The following WWOX variants were observed in gnomAD, a reference collection of about 807,000 sequenced individuals.
The protein encoded by WWOX is WW domain containing oxidoreductase, also known as WW domain-containing oxidoreductase.
In WWOX, 69 loss-of-function variants were observed where a neutral mutation model predicts 46.2. The ratio of observed to expected loss-of-function variants is 1.49; its 90% CI spans 1.23 to 1.82. WWOX has a LOEUF of 1.82. WWOX is among the 40% of genes most tolerant of loss of function. The pLI is 0.00. For synonymous variants in WWOX, 359 were observed against 202.6 expected (o/e 1.77, Z -6.56); for missense variants, 919 against 542.6 (o/e 1.69, Z -6.89).
At chr16:78,553,725 C>T (rs2044226058) in intron 8 of WWOX, among the ~76,000 whole-genome samples, 2 of 152,086 alleles carry the variant, frequency 1.3e-5, no homozygotes, top group Admixed American at 1.3e-4. Context: ...AGGGAGGAGG[C>T]CTGGGAGAGA....
intron 8 of WWOX, among the ~76,000 whole-genome samples, chr16:78,902,541 C>G (rs561995761): frequency 6.6e-6 from 1 of 152,228 alleles, no homozygotes; most frequent in Non-Finnish European, 1.5e-5. Flanking sequence ...TCCCCCGTGA[C>G]TGCTGCGGGG....
intron 8 of WWOX, among the ~76,000 whole-genome samples, chr16:79,036,131 A>G (rs540308841): frequency 4.6e-5 from 7 of 152,146 alleles, no homozygotes; most frequent in South Asian, 2.1e-4. Context: ...TTCACTCTCT[A>G]TGAAATACCT....
At chr16:78,557,088 A>G (rs774083106) in intron 8 of WWOX, among the ~76,000 whole-genome samples, 2 of 152,158 alleles carry the variant, frequency 1.3e-5, no homozygotes, top group Admixed American at 1.3e-4. Context: ...AGAAGCAGAG[A>G]TGAAAATGTG....
intron 8 of WWOX, among the ~76,000 whole-genome samples, chr16:78,613,163 C>G (rs1597348159): frequency 6.6e-6 from 1 of 152,152 alleles, no homozygotes; most frequent in Non-Finnish European, 1.5e-5. Flanking sequence ...GGACTCCCCT[C>G]CATGCCTTTT....
At chr16:78,775,781 A>T (rs1293134162) in intron 8 of WWOX, among the ~76,000 whole-genome samples, 1 of 152,222 alleles carries the variant, frequency 6.6e-6, no homozygotes, top group Non-Finnish European at 1.5e-5. Flanking sequence ...TCCTTTAGCC[A>T]ATGGAGCAGT....
At chr16:78,962,319 TTTTTTTTAAAA>T (rs1278247195) in intron 8 of WWOX, among the ~76,000 whole-genome samples, 1 of 98,888 alleles carries the variant, frequency 1.0e-5, no homozygotes, top group African/African-American at 3.7e-5. Flanking sequence ...TTTTTTTTTT[TTTTTTTTAAAA>T]AAAAAAAAAA....
rs57751802 is a variant in WWOX, at chr16:78,156,538, A to G, written c.410-7645A>G. ...TGCAAGAACCATTTGTTTCTTCAGC[A>G]GATATTTATTGAATCCTACTGGGTG... On this transcript the variant is annotated intron_variant, in intron 4 of 8. Transcript: ENST00000566780. 2.5e-4 allele frequency among the ~76,000 whole-genome samples: 38 copies of G among 152,346 alleles called. No homozygotes were observed. In the East Asian group the frequency reaches 7.3e-3, roughly 29 times the overall value.
intron 8 of WWOX, among the ~76,000 whole-genome samples, chr16:78,748,381 T>C (rs2049399314): frequency 6.6e-6 from 1 of 152,260 alleles, no homozygotes; most frequent in African/African-American, 2.4e-5. Context: ...CTTTCACTCA[T>C]TTCTATCTGC....
At chr16:78,932,843 T>C (rs2045653731) in intron 8 of WWOX, among the ~76,000 whole-genome samples, 1 of 152,140 alleles carries the variant, frequency 6.6e-6, no homozygotes, top group African/African-American at 2.4e-5. Context: ...AAGGAGGCAT[T>C]TGGAGGTCAT....
chr16:79,211,774 G>T lies in WWOX; in HGVS notation c.1223G>T (p.Arg408Leu), dbSNP rs765857107. The part of the protein sequence containing the change: ...WALSERLIQE[R>L]LGSQSG ...CTCAGCGAGAGGCTGATCCAAGAAC[G>T]GCTTGGCAGCCAGTCCGGCTAAGTG... The change falls in exon 9 of 9, where the codon CGG becomes CTG. Residue 408 changes from arginine (R) to leucine (L), a missense_variant. Arg to Leu is a moderately radical substitution (Grantham distance 102, BLOSUM62 -2). Coordinates refer to ENST00000566780, the MANE Select transcript of WWOX (RefSeq NM_016373.4). 56 of 1,613,952 alleles carry T rather than the reference G, an allele frequency of 3.5e-5. 1 individual carries two copies. Among genetic ancestry groups the T allele is most frequent in the Non-Finnish European group, 4.7e-5 (55 of 1,179,978 alleles).
chr16:79,002,382 C>T (rs558188646), intron 8 of WWOX, among the ~76,000 whole-genome samples: 3 of 152,036 alleles, frequency 2.0e-5, no homozygotes, highest in East Asian at 1.9e-4. Flanking sequence ...CACCACCATG[C>T]CCGGCTAGTT....
chr16:78,502,478 G>A (rs911218158), intron 8 of WWOX, among the ~76,000 whole-genome samples: 2 of 152,158 alleles, frequency 1.3e-5, no homozygotes, highest in African/African-American at 4.8e-5. Flanking sequence ...TTAGCATCAT[G>A]TTTTGAAAGT....
At chr16:78,513,327 T>C (rs552859340) in intron 8 of WWOX, among the ~76,000 whole-genome samples, 329 of 152,326 alleles carry the variant, frequency 2.2e-3, no homozygotes, top group Non-Finnish European at 3.6e-3. Flanking sequence ...AGAGAGGGTA[T>C]GGGCAACATT....
intron 8 of WWOX, among the ~76,000 whole-genome samples, chr16:79,065,938 C>G (rs1027409530): frequency 3.9e-5 from 6 of 152,160 alleles, no homozygotes; most frequent in African/African-American, 1.4e-4. Flanking sequence ...TCTTGAATAC[C>G]TTAGAAAGTT....
At chr16:78,579,162 A>T (rs1053362704) in intron 8 of WWOX, among the ~76,000 whole-genome samples, 3 of 152,148 alleles carry the variant, frequency 2.0e-5, no homozygotes, top group Non-Finnish European at 2.9e-5. Flanking sequence ...TTAATGATTC[A>T]GCAATAATTA....
chr16:78,216,292 C>T (rs1265999429), intron 5 of WWOX, among the ~76,000 whole-genome samples: 4 of 152,150 alleles, frequency 2.6e-5, no homozygotes, highest in African/African-American at 9.7e-5. Flanking sequence ...AGTAAATCAA[C>T]ACTTTGAACA....
intron 8 of WWOX, among the ~76,000 whole-genome samples, chr16:78,707,861 A>G (rs1597471936): frequency 6.6e-6 from 1 of 151,188 alleles, no homozygotes; most frequent in East Asian, 1.9e-4. Context: ...AAATAAATAA[A>G]TAAATAAATA....
At chr16:79,080,358 G>C (rs577507760) in intron 8 of WWOX, among the ~76,000 whole-genome samples, 16 of 152,254 alleles carry the variant, frequency 1.1e-4, no homozygotes, top group Non-Finnish European at 8.8e-5. Flanking sequence ...CTCTGTGCAC[G>C]TCGCAGAAGA....
chr16:78,730,463 G>C (rs559909387), intron 8 of WWOX, among the ~76,000 whole-genome samples: 2 of 151,952 alleles, frequency 1.3e-5, no homozygotes, highest in East Asian at 1.9e-4. Flanking sequence ...TCTTTTGTTT[G>C]TTTGTTTGTT....
Sources: gnomAD v4.1 joint callset for allele counts (sites outside exome capture counted in the v4.1 genomes callset) on GRCh38, gnomAD v4.1.1 for gene constraint, MANE v1.5 for transcripts, NCBI Gene and HGNC (gene_info 2026-07-23, HGNC 2026-07-21) for gene names.